TCTN1: variants seen among roughly 807,000 people sequenced by gnomAD.
TCTN1 encodes tectonic-1.
TCTN1 carries 58 observed loss-of-function variants against 65.8 expected under a neutral mutation model. That is an observed-to-expected ratio of 0.88 (90% confidence interval 0.71 to 1.10). The LOEUF (loss-of-function observed/expected upper bound fraction) is 1.10, where lower values mean the gene tolerates loss of function less well. Ranked by LOEUF, TCTN1 falls within the 50% of genes least tolerant of loss-of-function variation. The probability of loss-of-function intolerance (pLI) is 0.00; values close to 1 mark genes in which losing one functional copy is unlikely to be tolerated. For missense variants in TCTN1, 645 were observed against 719.4 expected (o/e 0.90, Z 1.18); for synonymous variants, 273 against 289.1 (o/e 0.94, Z 0.57).
intron 6 of TCTN1, 94 bp downstream of exon 6, chr12:110,634,873 C>T: frequency 1.1e-6 from 1 of 907,990 alleles, no homozygotes. Flanking sequence ...AATTTCAGTA[C>T]ATGATTGACA....
At position 110,640,622 on chromosome 12, in the gene TCTN1, G is replaced by A. The variant is rs2066894842; in HGVS notation, c.978+105G>A. 19 of 1,552,582 alleles carry A rather than the reference G, an allele frequency of 1.2e-5. No individual in the cohort carries two copies. The highest frequency in any genetic ancestry group is 1.5e-5 in the Non-Finnish European group (17 of 1,128,404). ...CCGAGGACGCTCTGTCCCAGCCCAT[G>A]GTGTGGCTTTTCTTGGCTCAGCTGC... On this transcript the variant is annotated intron_variant, in intron 8 of 14. Coordinates refer to ENST00000397659, the MANE Select transcript of TCTN1 (RefSeq NM_001082538.3). The surrounding 1 kb of genome is among the most constrained non-coding windows in gnomAD (Gnocchi z 4.9).
intron 4 of TCTN1, chr12:110,629,262 A>G (rs2066063318): frequency 5.2e-6 from 2 of 386,672 alleles, no homozygotes; most frequent in Admixed American, 4.3e-5. Context: ...TAATTAAACT[A>G]AAGAGCTTCT....
intron 3 of TCTN1, among the ~76,000 whole-genome samples, chr12:110,626,744 T>C (rs527996616): frequency 1.4e-3 from 214 of 148,070 alleles, no homozygotes; most frequent in Middle Eastern, 3.6e-3. Flanking sequence ...CATGCCTGGA[T>C]AATTTTTGTG....
rs750518582 is a variant in TCTN1 at position 110,626,440 on chromosome 12, T to G, written c.420T>G (p.Phe140Leu). 8 of 1,611,782 alleles carry G rather than the reference T, an allele frequency of 5.0e-6. No individual in the cohort carries two copies. The highest frequency in any genetic ancestry group is 3.4e-6 in the Non-Finnish European group (4 of 1,178,604). The change falls in exon 3 of 15, where the codon TTT (phenylalanine) becomes TTG (leucine). Residue 140 changes from phenylalanine to leucine, a missense_variant. Transcript: ENST00000397659. ...CAGCAAACCCACCTCAAAGAGTATT[T>G]GAACTTGTTGACCAGATTAATCCAT... The part of the protein sequence containing the change: ...NFTANPPQRV[F>L]ELVDQINPSI...
At chr12:110,637,925 A>G (rs1328554068) in intron 7 of TCTN1, among the ~76,000 whole-genome samples, 1 of 152,188 alleles carries the variant, frequency 6.6e-6, no homozygotes, top group Admixed American at 6.5e-5. Flanking sequence ...GGGTCCATTC[A>G]GGGTGGGAAG....
chr12:110,639,334 G>A lies in TCTN1; in HGVS notation c.844-1049G>A, dbSNP rs1234369469. On this transcript the variant is annotated intron_variant, in intron 7 of 14. Coordinates refer to ENST00000397659, the MANE Select transcript of TCTN1 (RefSeq NM_001082538.3). The surrounding 1 kb of genome is among the most constrained non-coding windows in gnomAD (Gnocchi z 4.9). ...CTGGTGGTGGCCATGAATGCAAAAC[G>A]TCCTTTAATAGCACTGGGATAAGCA... Among the ~76,000 whole-genome samples the A allele has an allele frequency of 4.6e-5, 7 of 152,294 alleles. No individual in the cohort carries two copies. The highest frequency in any genetic ancestry group is 2.1e-4 in the South Asian group (1 of 4,830).
At chr12:110,628,304 T>A in intron 3 of TCTN1, 1 of 1,415,278 alleles carries the variant, frequency 7.1e-7, no homozygotes, top group Non-Finnish European at 9.5e-7. Flanking sequence ...TAATAAGCTT[T>A]AAAAAATCCT....
chr12:110,618,117 G>A (rs2065173669), intron 1 of TCTN1, among the ~76,000 whole-genome samples: 1 of 146,940 alleles, frequency 6.8e-6, no homozygotes, highest in African/African-American at 2.5e-5. Flanking sequence ...CTGTCATCCA[G>A]GCTGGAGTGC....
At chr12:110,633,665 A>C (rs1275004278) in intron 5 of TCTN1, among the ~76,000 whole-genome samples, 1 of 151,840 alleles carries the variant, frequency 6.6e-6, no homozygotes, top group Non-Finnish European at 1.5e-5. Context: ...AAACAAAACC[A>C]AAAACAACTC....
intron 12 of TCTN1, chr12:110,645,773 A>C (rs1049747222): frequency 2.3e-4 from 36 of 156,078 alleles, no homozygotes; most frequent in Middle Eastern, 3.4e-3. Context: ...GCCCTGGCCC[A>C]GGGGCGTGCT....
intron 11 of TCTN1, among the ~76,000 whole-genome samples, chr12:110,643,091 C>T (rs1342185474): frequency 6.8e-6 from 1 of 146,222 alleles, no homozygotes; most frequent in Non-Finnish European, 1.5e-5. Flanking sequence ...TTTGTAGAGA[C>T]AGGATCTCAC....
chr12:110,632,501 G>A lies in TCTN1; in HGVS notation c.654G>A (p.Ser218=), dbSNP rs776715588. Residue 218 remains serine (S), a synonymous_variant, in exon 5 of 15, where the codon TCG becomes TCA. Transcript: ENST00000397659. ...EYGVPLQTSD[S]FLRFPSSLTS... is the part of the protein sequence containing the mutation. ...GGGTTCCTCTGCAGACTTCAGATTC[G>A]TTTCTGAGATTTCCTTCGTCCCTGA... 8 of 1,613,856 alleles carry A rather than the reference G, an allele frequency of 5.0e-6. No homozygotes were observed. Among genetic ancestry groups the A allele is most frequent in the Non-Finnish European group, 4.2e-6 (5 of 1,179,938 alleles).
chr12:110,630,096 G>A (rs1455308455), intron 4 of TCTN1: 1 of 152,150 alleles, frequency 6.6e-6, no homozygotes, highest in Admixed American at 6.5e-5. Flanking sequence ...TAGGGGAGGG[G>A]ATAGCATTAG....
intron 3 of TCTN1, 98 bp downstream of exon 3, chr12:110,626,590 GT>G: frequency 5.4e-6 from 7 of 1,291,010 alleles, no homozygotes; most frequent in Non-Finnish European, 6.4e-6. Flanking sequence ...TATGATTATG[GT>G]TTTTTTGAGA....
rs773196013 is a variant in TCTN1 at position 110,636,413 on chromosome 12, G to A, written c.823-68G>A. 3 of 1,101,962 alleles carry A rather than the reference G, an allele frequency of 2.7e-6. No homozygotes were observed. The Admixed American group carries it at 5.4e-5, about 20-fold the overall frequency. The allele number at this position is 1,101,962 out of a possible 1,614,324, so 68.3% of individuals were successfully genotyped here. ...GAATATACTCTTCAACTCGAGATCTGAAAAAGCAATGAAAATACTTCTTTT... is the reference window on the plus strand; with the variant it reads ...GAATATACTCTTCAACTCGAGATCTAAAAAAGCAATGAAAATACTTCTTTT... On this transcript the variant is annotated intron_variant, in intron 6 of 14. Transcript: ENST00000397659.
chr12:110,648,469 A>G (rs1209959829), intron 14 of TCTN1, among the ~76,000 whole-genome samples: 2 of 152,230 alleles, frequency 1.3e-5, no homozygotes, highest in African/African-American at 4.8e-5. Flanking sequence ...GACTTGAAGC[A>G]GCAGAGGCAA....
At chr12:110,630,957 C>CGTTGTTGTT (rs547662704) in intron 4 of TCTN1, among the ~76,000 whole-genome samples, 2 of 151,832 alleles carry the variant, frequency 1.3e-5, no homozygotes, top group Non-Finnish European at 2.9e-5. Flanking sequence ...GATAGAGCTG[C>CGTTGTTGTT]GTTGTTGTTG....
chr12:110,630,905 G>A (rs1034216598), intron 4 of TCTN1, among the ~76,000 whole-genome samples: 4 of 152,210 alleles, frequency 2.6e-5, no homozygotes, highest in South Asian at 4.1e-4. Context: ...TTTACCTGAT[G>A]AGAAAAACTT....
chr12:110,616,065 A>T (rs1251661644), intron 1 of TCTN1, among the ~76,000 whole-genome samples: 1 of 152,182 alleles, frequency 6.6e-6, no homozygotes, highest in Non-Finnish European at 1.5e-5. Context: ...GGACAGAAGA[A>T]AGCCAAGTAT....
Sources: gnomAD v4.1 joint callset for allele counts (sites outside exome capture counted in the v4.1 genomes callset) on GRCh38, gnomAD v4.1.1 for gene constraint, Gnocchi (gnomAD v3.1) non-coding constraint, MANE v1.5 for transcripts, NCBI Gene and HGNC (gene_info 2026-07-23, HGNC 2026-07-21) for gene names.